CSMD1: variants seen among roughly 807,000 people sequenced by gnomAD.
CSMD1 encodes CUB and Sushi multiple domains 1.
In CSMD1, 213 loss-of-function variants were observed where a neutral mutation model predicts 417.5. The observed-to-expected ratio is 0.51, with a 90% CI of 0.46 to 0.57. The LOEUF (loss-of-function observed/expected upper bound fraction) is 0.57. CSMD1 is among the 20% of genes least tolerant of loss of function. The pLI is 0.00. For synonymous variants in CSMD1, 2,862 were observed against 1,736.8 expected (o/e 1.65, Z -16.11); for missense variants, 6,923 against 4,529.7 (o/e 1.53, Z -15.17).
At chr8:3,497,318 G>A (rs920073473) in intron 10 of CSMD1, among the ~76,000 whole-genome samples, 3 of 152,094 alleles carry the variant, frequency 2.0e-5, no homozygotes, top group Admixed American at 1.3e-4. Context: ...TATATCTGGG[G>A]TCTCTGGTGT....
At chr8:3,561,941 C>T (rs1250738404) in intron 10 of CSMD1, among the ~76,000 whole-genome samples, 4 of 152,144 alleles carry the variant, frequency 2.6e-5, no homozygotes, top group East Asian at 1.9e-4. Context: ...GATGATCTCC[C>T]GTGAGCTGCG....
chr8:4,282,147 C>G (rs1470860991), intron 3 of CSMD1, among the ~76,000 whole-genome samples: 1 of 152,166 alleles, frequency 6.6e-6, no homozygotes, highest in African/African-American at 2.4e-5. Flanking sequence ...CAATATTGCT[C>G]AAATACGATT....
chr8:4,185,733 C>A (rs573271095), intron 3 of CSMD1, among the ~76,000 whole-genome samples: 2 of 152,128 alleles, frequency 1.3e-5, no homozygotes, highest in Admixed American at 1.3e-4. Flanking sequence ...TAGACTCATG[C>A]CTTTGAAGAG....
chr8:4,713,012 G>A (rs1808408556), intron 1 of CSMD1, among the ~76,000 whole-genome samples: 1 of 152,218 alleles, frequency 6.6e-6, no homozygotes, highest in Admixed American at 6.5e-5. Context: ...ATATTAGGCT[G>A]CCTGACTACA....
chr8:2,940,477 G>A (rs775099913), intron 69 of CSMD1, among the ~76,000 whole-genome samples: 14 of 152,124 alleles, frequency 9.2e-5, no homozygotes, highest in Non-Finnish European at 1.8e-4. Flanking sequence ...CGACCCAGAG[G>A]AGGCATCACA....
chr8:4,407,309 T>TA (rs1805098691), intron 3 of CSMD1, among the ~76,000 whole-genome samples: 1 of 152,198 alleles, frequency 6.6e-6, no homozygotes, highest in South Asian at 2.1e-4. Flanking sequence ...ACTGCTATAA[T>TA]ATATAAGGGA....
chr8:3,331,100 T>C (rs139003051), intron 23 of CSMD1, among the ~76,000 whole-genome samples: 11,417 of 151,746 alleles, frequency 0.075, 1,184 homozygotes, highest in African/African-American at 0.23. Flanking sequence ...TAGCCTGGCG[T>C]GGTGGCGGGT....
intron 52 of CSMD1, among the ~76,000 whole-genome samples, chr8:3,000,784 G>A (rs980626438): frequency 6.6e-6 from 1 of 152,184 alleles, no homozygotes; most frequent in South Asian, 2.1e-4. Context: ...GAAACTAAAG[G>A]TGGCAGGGCT....
intron 5 of CSMD1, among the ~76,000 whole-genome samples, chr8:3,870,373 G>C (rs923737853): frequency 6.6e-6 from 1 of 152,158 alleles, no homozygotes; most frequent in East Asian, 1.9e-4. Flanking sequence ...GTGCCTTATG[G>C]ATACCTCTTT....
At chr8:4,716,404 T>A (rs1339050415) in intron 1 of CSMD1, among the ~76,000 whole-genome samples, 1 of 152,190 alleles carries the variant, frequency 6.6e-6, no homozygotes, top group South Asian at 2.1e-4. Context: ...AGGATGGGAC[T>A]TTTTCATAAA....
intron 1 of CSMD1, among the ~76,000 whole-genome samples, chr8:4,923,763 T>C (rs12676489): frequency 6.6e-6 from 1 of 152,114 alleles, no homozygotes; most frequent in Non-Finnish European, 1.5e-5. Flanking sequence ...GGTCATTCTA[T>C]TATATATCTC....
intron 6 of CSMD1, among the ~76,000 whole-genome samples, chr8:3,732,171 G>C (rs994143186): frequency 1.3e-5 from 2 of 152,224 alleles, no homozygotes; most frequent in African/African-American, 4.8e-5. Context: ...GTCACTCGTG[G>C]TGGTTGCCTT....
At chr8:4,477,388 G>T (rs572447993) in intron 2 of CSMD1, among the ~76,000 whole-genome samples, 2 of 152,198 alleles carry the variant, frequency 1.3e-5, no homozygotes, top group Non-Finnish European at 2.9e-5. Flanking sequence ...GCAACGCCTC[G>T]ATCAGTCTCG....
At chr8:3,978,941 C>G (rs544438994) in intron 5 of CSMD1, among the ~76,000 whole-genome samples, 7 of 152,210 alleles carry the variant, frequency 4.6e-5, no homozygotes, top group Non-Finnish European at 8.8e-5. Context: ...TCATTGCCAG[C>G]CACAGGTTCC....
At chr8:3,185,773 G>T (rs912386690) in intron 36 of CSMD1, among the ~76,000 whole-genome samples, 17 of 152,116 alleles carry the variant, frequency 1.1e-4, no homozygotes, top group African/African-American at 4.1e-4. Context: ...TAAACTGTGA[G>T]GTAGGTGCTA....
intron 3 of CSMD1, among the ~76,000 whole-genome samples, chr8:4,401,568 G>C (rs558624835): frequency 6.6e-6 from 1 of 152,226 alleles, no homozygotes; most frequent in East Asian, 1.9e-4. Context: ...CTTTGAGCCT[G>C]TCTAGACCAA....
intron 7 of CSMD1, among the ~76,000 whole-genome samples, chr8:3,698,006 A>T (rs563082336): frequency 1.3e-5 from 2 of 152,244 alleles, no homozygotes; most frequent in East Asian, 3.9e-4. Flanking sequence ...CTGTAATCCA[A>T]TCAGGCTATA....
intron 2 of CSMD1, among the ~76,000 whole-genome samples, chr8:4,455,631 A>G (rs1799420400): frequency 6.6e-6 from 1 of 151,926 alleles, no homozygotes; most frequent in Non-Finnish European, 1.5e-5. Flanking sequence ...CAGGAGGAAA[A>G]ACATAAAACG....
chr8:3,228,776 T>A (rs1292201138), intron 27 of CSMD1, among the ~76,000 whole-genome samples: 4 of 149,784 alleles, frequency 2.7e-5, no homozygotes, highest in African/African-American at 4.9e-5. Flanking sequence ...ACATGCAAAA[T>A]GGAAGGAAAA....
Sources: gnomAD v4.1 joint callset for allele counts (sites outside exome capture counted in the v4.1 genomes callset) on GRCh38, gnomAD v4.1.1 for gene constraint, MANE v1.5 for transcripts, NCBI Gene and HGNC (gene_info 2026-07-23, HGNC 2026-07-21) for gene names.